The following PCNT variants were observed in gnomAD, a reference collection of about 807,000 sequenced individuals.
PCNT encodes pericentrin.
In PCNT, 319 loss-of-function variants were observed where a neutral mutation model predicts 380.4. The ratio of observed to expected loss-of-function variants is 0.84; its 90% CI spans 0.77 to 0.92. The LOEUF (loss-of-function observed/expected upper bound fraction) is 0.92. PCNT is among the 40% of genes least tolerant of loss of function. PCNT has a pLI of 0.00. For missense variants in PCNT, 4,400 were observed against 4,255.3 expected (o/e 1.03, Z -0.95); for synonymous variants, 1,845 against 1,735.2 (o/e 1.06, Z -1.57).
chr21:46,415,490 A>G (rs1028720871), intron 29 of PCNT, among the ~76,000 whole-genome samples: 4 of 144,196 alleles, frequency 2.8e-5, no homozygotes, highest in Admixed American at 1.5e-4. Context: ...GGTTCAAGCA[A>G]TTCACTGCCT....
chr21:46,365,866 G>A (rs192445417), intron 14 of PCNT, among the ~76,000 whole-genome samples: 13 of 111,744 alleles, frequency 1.2e-4, no homozygotes, highest in Non-Finnish European at 1.6e-4. Context: ...GTTCACTGCC[G>A]TGGGGTTCTA....
intron 14 of PCNT, among the ~76,000 whole-genome samples, chr21:46,365,600 G>A (rs113958001): frequency 8.4e-5 from 12 of 142,776 alleles, no homozygotes; most frequent in Middle Eastern, 4.4e-3. Flanking sequence ...CACTGCCATG[G>A]CCTTCTATTC....
chr21:46,349,661 G>A (rs376205569), intron 7 of PCNT, 23 bp from the exon 8 acceptor site: 23 of 1,611,348 alleles, frequency 1.4e-5, no homozygotes, highest in Admixed American at 8.3e-5. Flanking sequence ...TGTAAACCAA[G>A]TGCCATTGCT....
chr21:46,386,783 C>T (rs2085852682), intron 17 of PCNT, among the ~76,000 whole-genome samples: 1 of 152,258 alleles, frequency 6.6e-6, no homozygotes. Context: ...GGTGAGCCTG[C>T]AGAGTTGTTC....
At chr21:46,367,171 G>T in intron 15 of PCNT, 32 bp downstream of exon 15, 2 of 1,588,624 alleles carry the variant, frequency 1.3e-6, no homozygotes, top group Non-Finnish European at 1.7e-6. Flanking sequence ...CCAGCCCAGG[G>T]CAGGCCTCTC....
At chr21:46,373,296 C>T (rs899679202) in intron 15 of PCNT, among the ~76,000 whole-genome samples, 3 of 152,058 alleles carry the variant, frequency 2.0e-5, no homozygotes, top group East Asian at 1.9e-4. Flanking sequence ...GGACCATAGG[C>T]GTGAGCCGCG....
rs554730264 is a variant in PCNT at position 46,372,613 on chromosome 21, AG to A, written c.3165+5479del. On this transcript the variant is annotated intron_variant, in intron 15 of 46. Coordinates refer to ENST00000359568, the MANE Select transcript of PCNT (RefSeq NM_006031.6). The stretch of plus-strand genomic sequence containing the variant: ...GGTGATTATGGTACATATGGTTTCA[AG>A]GGGGTTTTAAACAAGGACATGCTAA... 3.8e-3 allele frequency among the ~76,000 whole-genome samples: 580 copies of A among 152,294 alleles called. 5 individuals carry two copies. The highest frequency in any genetic ancestry group is 7.0e-3 in the Non-Finnish European group (479 of 68,014).
Position 46,391,339 on chromosome 21 carries a change from G to C in PCNT, c.4179G>C (p.Gly1393=). The change falls in exon 21 of 47, where the codon GGG becomes GGC. Residue 1393 remains glycine (G), a synonymous_variant. Coordinates refer to ENST00000359568, the MANE Select transcript of PCNT (RefSeq NM_006031.6). ...REECTRLWSR[G]EATATDAEAR... is the part of the protein sequence containing the mutation. ...AGTGCACCCGTCTGTGGAGTCGGGG[G>C]GAGGCCACAGCCACGGACGCCGAGG... The C allele has an allele frequency of 6.4e-7, 1 of 1,556,164 alleles. No homozygotes were observed. The highest frequency in any genetic ancestry group is 1.4e-5 in the African/African-American group (1 of 73,688).
intron 3 of PCNT, among the ~76,000 whole-genome samples, chr21:46,344,609 T>A (rs2084007780): frequency 6.6e-6 from 1 of 152,226 alleles, no homozygotes. Context: ...TCGGAAGTAC[T>A]CTGTGAGCAA....
At chr21:46,435,110 G>C (rs1445314032) in intron 38 of PCNT, among the ~76,000 whole-genome samples, 1 of 152,254 alleles carries the variant, frequency 6.6e-6, no homozygotes, top group Admixed American at 6.5e-5. Context: ...GTGGGTCCCA[G>C]TACAGGACCA....
At chr21:46,354,362 G>A (rs1364439917) in intron 11 of PCNT, among the ~76,000 whole-genome samples, 2 of 152,258 alleles carry the variant, frequency 1.3e-5, no homozygotes, top group Non-Finnish European at 2.9e-5. Flanking sequence ...AGACTTGACA[G>A]TGGCAGTTCA....
chr21:46,437,108 T>A, intron 40 of PCNT, 27 bp downstream of exon 40: 1 of 1,520,452 alleles, frequency 6.6e-7, no homozygotes, highest in Non-Finnish European at 9.1e-7. Context: ...CCCAGGTCCC[T>A]GGCCTGGCTC....
chr21:46,406,398 A>G (rs2086623622), intron 27 of PCNT, among the ~76,000 whole-genome samples: 1 of 152,186 alleles, frequency 6.6e-6, no homozygotes, highest in Non-Finnish European at 1.5e-5. Context: ...TTTTTGCACT[A>G]TTGTAAGTGA....
At chr21:46,328,901 G>A (rs550711629) in intron 2 of PCNT, among the ~76,000 whole-genome samples, 1 of 152,112 alleles carries the variant, frequency 6.6e-6, no homozygotes, top group Non-Finnish European at 1.5e-5. Context: ...AGCCTCCCGA[G>A]TAGCTGGGAT....
chr21:46,377,593 A>G (rs1001609556), intron 15 of PCNT, among the ~76,000 whole-genome samples: 3 of 152,108 alleles, frequency 2.0e-5, no homozygotes, highest in African/African-American at 4.8e-5. Context: ...AGAAACCCCC[A>G]GTGGCTCGTG....
rs2085165068 is a variant in PCNT, at chr21:46,372,163, CGCACACACACAGCACATGCACACACA to C, written c.3165+5037_3165+5062del. 4.0e-5 allele frequency among the ~76,000 whole-genome samples: 6 copies of C among 148,524 alleles called. No individual in the cohort carries two copies. The South Asian group carries it at 1.3e-3, about 32-fold the overall frequency. Reference sequence around the variant, plus strand: ...AGCACATGTGCCCATACAAGGCACACGCACACACACAGCACATGCACACACAGCACACACACAGAGAGCACATGCAC... The same window carrying C: ...AGCACATGTGCCCATACAAGGCACACGCACACACACAGAGAGCACATGCAC... On this transcript the variant is annotated intron_variant, in intron 15 of 46. Transcript: ENST00000359568.
In PCNT at chr21:46,340,462, T is replaced by C. The variant is rs555969078; in HGVS notation, c.640-5666T>C. 1.8e-4 allele frequency among the ~76,000 whole-genome samples: 28 copies of C among 152,384 alleles called. 1 individual carries two copies. In the East Asian group the frequency reaches 5.4e-3, roughly 29 times the overall value. On this transcript the variant is annotated intron_variant, in intron 3 of 46. Coordinates refer to ENST00000359568, the MANE Select transcript of PCNT (RefSeq NM_006031.6). Reference sequence around the variant, plus strand: ...CCATTTTTCTAAACCTCTGTTCATCTGTATATAATCTGCTGTTAAATACGT... The same window carrying C: ...CCATTTTTCTAAACCTCTGTTCATCCGTATATAATCTGCTGTTAAATACGT...
At chr21:46,360,755 C>T (rs146317511) in intron 13 of PCNT, among the ~76,000 whole-genome samples, 7,355 of 147,666 alleles carry the variant, frequency 0.05, 596 homozygotes, top group African/African-American at 0.17. Flanking sequence ...CCTGACTTCC[C>T]GATCCGCCCA....
intron 16 of PCNT, among the ~76,000 whole-genome samples, chr21:46,382,402 C>G (rs2085589948): frequency 7.0e-6 from 1 of 142,230 alleles, no homozygotes; most frequent in Admixed American, 7.2e-5. Context: ...CAGTGCTGTG[C>G]ATTCAGCAGC....
Sources: gnomAD v4.1 joint callset for allele counts (sites outside exome capture counted in the v4.1 genomes callset) on GRCh38, gnomAD v4.1.1 for gene constraint, MANE v1.5 for transcripts, NCBI Gene and HGNC (gene_info 2026-07-23, HGNC 2026-07-21) for gene names.